PACRGL: variants seen among roughly 807,000 people sequenced by gnomAD.
PACRGL encodes the protein parkin coregulated like, also known as PACRG-like protein.
In PACRGL, 38 loss-of-function variants were observed where a neutral mutation model predicts 34.5. The ratio of observed to expected loss-of-function variants is 1.10; its 90% CI spans 0.85 to 1.44. PACRGL has a LOEUF of 1.44. Ranked by LOEUF, PACRGL falls within the 40% of genes most tolerant of loss-of-function variation. The probability of loss-of-function intolerance (pLI) is 0.00; values close to 1 mark genes in which losing one functional copy is unlikely to be tolerated. For synonymous variants in PACRGL, 128 were observed against 100.1 expected (o/e 1.28, Z -1.66); for missense variants, 305 against 281.4 (o/e 1.08, Z -0.60).
chr4:20,700,445 C>G (rs981057973), upstream of PACRGL: 3 of 152,108 alleles, frequency 2.0e-5, no homozygotes, highest in East Asian at 3.9e-4. Context: ...AGGGGCGGGC[C>G]GCGCGGAGCC....
upstream of PACRGL, among the ~76,000 whole-genome samples, chr4:20,699,110 C>T (rs1329527013): frequency 6.6e-6 from 1 of 152,096 alleles, no homozygotes; most frequent in African/African-American, 2.4e-5. Flanking sequence ...GAACTAGGAG[C>T]TCTACTGAGT....
In PACRGL at chr4:20,713,139, A is replaced by T. The variant is rs562221574; in HGVS notation, c.501+217A>T. The T allele has an allele frequency of 3.6e-4, 203 of 562,534 alleles. 1 individual carries two copies. The highest frequency in any genetic ancestry group is 2.8e-3 in the Admixed American group (78 of 27,884). 34.8% of individuals were successfully genotyped at this position (562,534 alleles called of 1,614,324 possible). A position where few individuals can be genotyped will look rare whatever the true frequency, so the allele number is the denominator to read the frequency against. ...CTTTAGAGGATGTACTAAAGGTAAA[A>T]AGGGACATTTTAAGTAATTAGAGGA... On this transcript the variant is annotated intron_variant, in intron 6 of 8. Coordinates refer to ENST00000503585, the MANE Select transcript of PACRGL (RefSeq NM_001258345.3).
chr4:20,758,693 C>T, the PACRGL span: 11 of 714,594 alleles, frequency 1.5e-5, no homozygotes, highest in Admixed American at 1.9e-4. Context: ...TATACACTTG[C>T]ATGCTGTGCA....
chr4:20,749,478 C>T (rs1470881987), intron 8 of PACRGL, among the ~76,000 whole-genome samples: 2 of 152,136 alleles, frequency 1.3e-5, no homozygotes, highest in Non-Finnish European at 2.9e-5. Context: ...AGAAAATAAA[C>T]TGAATGTGGC....
At chr4:20,702,984 A>G (rs1346871354) in intron 1 of PACRGL, among the ~76,000 whole-genome samples, 2 of 152,228 alleles carry the variant, frequency 1.3e-5, no homozygotes, top group African/African-American at 4.8e-5. Flanking sequence ...TTTACATGGT[A>G]TCAGACTTTA....
At chr4:20,756,316 C>A (rs1171393514), downstream of PACRGL, among the ~76,000 whole-genome samples, 1 of 152,026 alleles carries the variant, frequency 6.6e-6, no homozygotes, top group Non-Finnish European at 1.5e-5. Context: ...GAGATAAAAC[C>A]TTCTTCCTGA....
rs2149243316 is a variant in PACRGL, at chr4:20,729,619, T to TTAAATGGAATTACAGCATTC, written c.*2279_*2298dup. 1 of 69,920 alleles carries TTAAATGGAATTACAGCATTC rather than the reference T, an allele frequency of 1.4e-5. No individual in the cohort carries two copies. The highest frequency in any genetic ancestry group is 4.4e-4 in the South Asian group (1 of 2,272). The allele number at this position is 69,920 out of a possible 1,614,324, so 4.3% of individuals were successfully genotyped here. ...TTTCCTTAAAGTATATAAATGGAAT[T>TTAAATGGAATTACAGCATTC]TAAATGGAATTACAGCATTCAAACA... is the stretch of plus-strand genomic sequence containing the variant. On this transcript the variant is annotated 3_prime_UTR_variant, in exon 9 of 9. Transcript: ENST00000503585.
intron 6 of PACRGL, 101 bp downstream of exon 6, chr4:20,713,023 A>G (rs998032046): frequency 4.9e-6 from 6 of 1,219,052 alleles, no homozygotes; most frequent in South Asian, 2.1e-5. Context: ...TCCATATTAT[A>G]TGCAAAGTAG....
intron 7 of PACRGL, among the ~76,000 whole-genome samples, chr4:20,720,239 G>GCCCA (rs1742350503): frequency 6.6e-6 from 1 of 152,008 alleles, no homozygotes; most frequent in African/African-American, 2.4e-5. Flanking sequence ...ACATGAGATG[G>GCCCA]GTCTCCTGAA....
intron 8 of PACRGL, among the ~76,000 whole-genome samples, chr4:20,725,436 T>A (rs1196201430): frequency 6.6e-6 from 1 of 152,070 alleles, no homozygotes; most frequent in East Asian, 1.9e-4. Context: ...CTTTTCAAGG[T>A]ACAAAAATAT....
In PACRGL at chr4:20,716,932, T is replaced by G. The variant is rs181970684; in HGVS notation, c.609+3393T>G. 2.8e-3 allele frequency among the ~76,000 whole-genome samples: 426 copies of G among 152,392 alleles called. 4 individuals are homozygous for G. The highest frequency in any genetic ancestry group is 0.01 in the African/African-American group (416 of 41,590). Reference sequence around the variant, plus strand: ...ACACTGTCTTACACAATGGTTGAACTGGTTTACAGTCCCACCAACAGTGTA... The same window carrying G: ...ACACTGTCTTACACAATGGTTGAACGGGTTTACAGTCCCACCAACAGTGTA... On this transcript the variant is annotated intron_variant, in intron 7 of 8. Transcript: ENST00000503585.
the PACRGL span, chr4:20,758,932 TA>T: frequency 6.5e-7 from 1 of 1,546,490 alleles, no homozygotes; most frequent in African/African-American, 1.4e-5. Context: ...AAAGTGTTCA[TA>T]AAACTGAATT....
intron 7 of PACRGL, among the ~76,000 whole-genome samples, chr4:20,721,600 T>C (rs1195703978): frequency 6.6e-6 from 1 of 152,210 alleles, no homozygotes; most frequent in Non-Finnish European, 1.5e-5. Flanking sequence ...CTCCAGACCC[T>C]GTTTGCCTGG....
At position 20,731,875 on chromosome 4, in the gene PACRGL, G is replaced by A. The variant is rs1234166496; in HGVS notation, c.*4534G>A. The A allele has an allele frequency of 3.5e-6, 5 of 1,447,516 alleles. No homozygotes were observed. Among genetic ancestry groups the A allele is most frequent in the Non-Finnish European group, 4.5e-6 (5 of 1,099,428 alleles). 89.7% of individuals were successfully genotyped at this position (1,447,516 alleles called of 1,614,324 possible). On this transcript the variant is annotated 3_prime_UTR_variant, in exon 9 of 9. Transcript: ENST00000503585. ...GTTTTCAGAGTGGTAGGCTTATGCTGCATGTTGTAGAAGTGGTAAACTTAG... is the reference window on the plus strand; with the variant it reads ...GTTTTCAGAGTGGTAGGCTTATGCTACATGTTGTAGAAGTGGTAAACTTAG...
Position 20,731,308 on chromosome 4 carries a change from A to T in PACRGL, c.*3967A>T, listed in dbSNP as rs1247552751. 2.5e-6 allele frequency: 2 copies of T among 798,384 alleles called. No homozygotes were observed. The highest frequency in any genetic ancestry group is 3.0e-6 in the Non-Finnish European group (2 of 659,334). The allele number at this position is 798,384 out of a possible 1,614,324, so 49.5% of individuals were successfully genotyped here. On this transcript the variant is annotated 3_prime_UTR_variant, in exon 9 of 9. Transcript: ENST00000503585. Reference sequence around the variant, plus strand: ...ACATTGGACTCAAAATCCTGGCCTTAAGTTATCTTCCCGCCTCAGCCTCCC... The same window carrying T: ...ACATTGGACTCAAAATCCTGGCCTTTAGTTATCTTCCCGCCTCAGCCTCCC...
In PACRGL at chr4:20,732,472, A is replaced by G. The variant is rs1170948108; in HGVS notation, c.*5131A>G. 6.6e-6 allele frequency among the ~76,000 whole-genome samples: 1 copy of G among 152,226 alleles called. No homozygotes were observed. Among genetic ancestry groups the G allele is most frequent in the Non-Finnish European group, 1.5e-5 (1 of 68,036 alleles). ...AAACATGAGAACTGTTTAGTGTTGT[A>G]TCTTGGATTTAGTGAATGTTCAATA... On this transcript the variant is annotated 3_prime_UTR_variant, in exon 9 of 9. Transcript: ENST00000503585.
chr4:20,702,447 T>C (rs977710179), intron 1 of PACRGL, among the ~76,000 whole-genome samples: 6 of 150,952 alleles, frequency 4.0e-5, no homozygotes, highest in Middle Eastern at 3.4e-3. Context: ...CTATTAGTAA[T>C]AGTAATACTG....
At chr4:20,702,631 T>TGC (rs1732692551) in intron 1 of PACRGL, 1 of 114,846 alleles carries the variant, frequency 8.7e-6, no homozygotes, top group South Asian at 2.7e-4. Flanking sequence ...AGGAAACTGA[T>TGC]GCATTTTTTT....
intron 8 of PACRGL, among the ~76,000 whole-genome samples, chr4:20,746,197 A>G (rs1269673417): frequency 1.3e-5 from 2 of 152,220 alleles, no homozygotes; most frequent in African/African-American, 2.4e-5. Context: ...CTATGCAGCC[A>G]TAAAAAAGGA....
Sources: gnomAD v4.1 joint callset for allele counts (sites outside exome capture counted in the v4.1 genomes callset) on GRCh38, gnomAD v4.1.1 for gene constraint, MANE v1.5 for transcripts, NCBI Gene and HGNC (gene_info 2026-07-23, HGNC 2026-07-21) for gene names.